IGSF9B: variants seen among roughly 807,000 people sequenced by gnomAD.
The protein encoded by IGSF9B is protein turtle homolog B.
Under a neutral mutation model 143.7 loss-of-function variants are expected in IGSF9B, and 48 were observed. The ratio of observed to expected loss-of-function variants is 0.33; its 90% CI spans 0.26 to 0.42. The LOEUF (loss-of-function observed/expected upper bound fraction) is 0.42. IGSF9B is among the 20% of genes least tolerant of loss of function. The probability of loss-of-function intolerance (pLI) is 1.00; values close to 1 mark genes in which losing one functional copy is unlikely to be tolerated. For synonymous variants in IGSF9B, 903 were observed against 833.1 expected (o/e 1.08, Z -1.44); for missense variants, 1,706 against 1,980.0 (o/e 0.86, Z 2.63).
At chr11:133,912,147 C>T in intron 18 of IGSF9B, 140 bp from the exon 19 acceptor site, 1 of 946,032 alleles carries the variant, frequency 1.1e-6, no homozygotes, top group Non-Finnish European at 1.6e-6. Context: ...CACGATGGCT[C>T]CATGACACCC....
At chr11:133,918,579 CT>C (rs974333647) in intron 18 of IGSF9B, among the ~76,000 whole-genome samples, 30 of 152,292 alleles carry the variant, frequency 2.0e-4, no homozygotes, top group Admixed American at 2.6e-4. Context: ...CCCGCACCCC[CT>C]TCCTCGGCCG....
At chr11:133,938,951 T>G (rs1164072011) in intron 3 of IGSF9B, among the ~76,000 whole-genome samples, 1 of 152,226 alleles carries the variant, frequency 6.6e-6, no homozygotes, top group Admixed American at 6.5e-5. Flanking sequence ...ATGCACCAGT[T>G]GCCAGTACCA....
rs1450953879 is a variant in IGSF9B at position 133,948,466 on chromosome 11, G to T, written c.65-2208C>A. On this transcript the variant is annotated intron_variant, in intron 1 of 19. Transcript: ENST00000533871. The surrounding 1 kb of genome is among the most constrained non-coding windows in gnomAD (Gnocchi z 4.7). ...TTTGCAACCCAGCCCCTCAGGGAAA[G>T]CAGGGAGAGTGCCCAGCTGCAGCCT... is the stretch of plus-strand genomic sequence containing the variant. Among the ~76,000 whole-genome samples, 3 of 152,126 alleles carry T rather than the reference G, an allele frequency of 2.0e-5. No homozygotes were observed. The highest frequency in any genetic ancestry group is 7.2e-5 in the African/African-American group (3 of 41,418).
At chr11:133,916,345 G>A (rs1017332746) in intron 18 of IGSF9B, among the ~76,000 whole-genome samples, 6 of 152,212 alleles carry the variant, frequency 3.9e-5, no homozygotes, top group Non-Finnish European at 7.3e-5. Flanking sequence ...GAACTGAAGG[G>A]AAAAGAAACA....
At chr11:133,910,648 C>T (rs903667444) in intron 19 of IGSF9B, among the ~76,000 whole-genome samples, 1 of 152,108 alleles carries the variant, frequency 6.6e-6, no homozygotes, top group African/African-American at 2.4e-5. Flanking sequence ...GCACGTTCAG[C>T]TGGCAACTGG....
In IGSF9B at chr11:133,919,622, G is replaced by GCAC. The variant is rs1939469850; in HGVS notation, c.3983+119_3983+120insGTG. 4.6e-6 allele frequency: 3 copies of GCAC among 657,258 alleles called. No individual in the cohort carries two copies. In the Admixed American group the frequency reaches 1.2e-4, roughly 25 times the overall value. The allele number at this position is 657,258 out of a possible 1,614,324, so 40.7% of individuals were successfully genotyped here. On this transcript the variant is annotated intron_variant, in intron 18 of 19. Coordinates refer to ENST00000533871, the MANE Select transcript of IGSF9B (RefSeq NM_001277285.4). ...CCAGAACTCCTCTCCGAGGGACGCC[G>GCAC]GTGCGGCATGTCCGCACGAGCCCTG...
Position 133,931,342 on chromosome 11 carries a change from A to T in IGSF9B, c.1368+111T>A. The T allele has an allele frequency of 1.1e-6, 1 of 874,282 alleles. No individual in the cohort carries two copies. Among genetic ancestry groups the T allele is most frequent in the Non-Finnish European group, 1.8e-6 (1 of 561,616 alleles). 54.2% of individuals were successfully genotyped at this position (874,282 alleles called of 1,614,324 possible). ...GAATAGAACTGCTCGCTGGGCCCTC[A>T]CACCTCCCCTCAGCCCCGGGGCTCG... On this transcript the variant is annotated intron_variant, in intron 10 of 19. Coordinates refer to ENST00000533871, the MANE Select transcript of IGSF9B (RefSeq NM_001277285.4). The surrounding 1 kb of genome is among the most constrained non-coding windows in gnomAD (Gnocchi z 7.7).
chr11:133,919,127 G>GGGGGGGGGGGGGGTGT, intron 18 of IGSF9B: 1 of 355,290 alleles, frequency 2.8e-6, no homozygotes, highest in South Asian at 1.9e-5. Context: ...ACGGGGGGGG[G>GGGGGGGGGGGGGGTGT]GTGGGGGACG....
chr11:133,923,021 G>A (rs981393895), intron 15 of IGSF9B, among the ~76,000 whole-genome samples: 1 of 152,214 alleles, frequency 6.6e-6, no homozygotes, highest in Non-Finnish European at 1.5e-5. Flanking sequence ...CTAGGGTTTT[G>A]CCTTCTGCAA....
intron 7 of IGSF9B, among the ~76,000 whole-genome samples, chr11:133,933,294 CAA>C (rs1939767362): frequency 6.6e-6 from 1 of 152,206 alleles, no homozygotes; most frequent in African/African-American, 2.4e-5. Context: ...CTCCTTATCC[CAA>C]AGTCTCCTGA....
chr11:133,955,385 AC>A (rs1259301028), intron 1 of IGSF9B, among the ~76,000 whole-genome samples: 1 of 151,374 alleles, frequency 6.6e-6, no homozygotes, highest in Non-Finnish European at 1.5e-5. Flanking sequence ...AGACACCACC[AC>A]CCCCCTCAGA....
Position 133,920,128 on chromosome 11 carries a change from G to A in IGSF9B, c.3597C>T (p.Ser1199=), listed in dbSNP as rs781111783. 3.3e-6 allele frequency: 5 copies of A among 1,511,788 alleles called. No individual in the cohort carries two copies. The highest frequency in any genetic ancestry group is 4.4e-6 in the Non-Finnish European group (5 of 1,129,724). The allele number at this position is 1,511,788 out of a possible 1,614,324, so 93.6% of individuals were successfully genotyped here. A position where few individuals can be genotyped will look rare whatever the true frequency, so the allele number is the denominator to read the frequency against. Residue 1199 remains serine (S), a synonymous_variant, in exon 18 of 20, where the codon TCC becomes TCT. Coordinates refer to ENST00000533871, the MANE Select transcript of IGSF9B (RefSeq NM_001277285.4). ...PSLHQVVLQP[S]RLSPLTQSPL... The stretch of plus-strand genomic sequence containing the variant: ...GGCTTTGGGTCAGAGGTGAGAGCCG[G>A]GAGGGCTGTAGCACCACTTGATGTA...
chr11:133,912,880 G>T (rs1939323043), intron 18 of IGSF9B, among the ~76,000 whole-genome samples: 1 of 152,152 alleles, frequency 6.6e-6, no homozygotes, highest in Non-Finnish European at 1.5e-5. Context: ...GTTAGGACAG[G>T]GTCCACAGTC....
rs1939041000 is a variant in IGSF9B at position 133,897,538 on chromosome 11, C to T, written c.*11531G>A. On this transcript the variant is annotated 3_prime_UTR_variant, in exon 20 of 20. Coordinates refer to ENST00000533871, the MANE Select transcript of IGSF9B (RefSeq NM_001277285.4). ...CAGGTCCCCAAGACCCAGCCCCAGGCTTGGCACGCGCTGGCATTCCCAGGC... is the reference window on the plus strand; with the variant it reads ...CAGGTCCCCAAGACCCAGCCCCAGGTTTGGCACGCGCTGGCATTCCCAGGC... 1 of 152,260 alleles carries T rather than the reference C, an allele frequency of 6.6e-6. No individual in the cohort carries two copies. Among genetic ancestry groups the T allele is most frequent in the Non-Finnish European group, 1.5e-5 (1 of 68,086 alleles). 9.4% of individuals were successfully genotyped at this position (152,260 alleles called of 1,614,324 possible). A position where few individuals can be genotyped will look rare whatever the true frequency, so the allele number is the denominator to read the frequency against.
At position 133,928,536 on chromosome 11, in the gene IGSF9B, G is replaced by A. The variant is rs910809169; in HGVS notation, c.1631+1135C>T. Among the ~76,000 whole-genome samples, 3 of 152,052 alleles carry A rather than the reference G, an allele frequency of 2.0e-5. No homozygotes were observed. The highest frequency in any genetic ancestry group is 2.1e-4 in the South Asian group (1 of 4,806). ...GTGCCTGCCTTTTCCCCCTCCCCTCGAGCTCCCCCTCCTCGAGTTGAGCCT... is the reference window on the plus strand; with the variant it reads ...GTGCCTGCCTTTTCCCCCTCCCCTCAAGCTCCCCCTCCTCGAGTTGAGCCT... On this transcript the variant is annotated intron_variant, in intron 12 of 19. Coordinates refer to ENST00000533871, the MANE Select transcript of IGSF9B (RefSeq NM_001277285.4). The surrounding 1 kb of genome is among the most constrained non-coding windows in gnomAD (Gnocchi z 4.7).
In IGSF9B at chr11:133,913,607, A is replaced by C. The variant is rs905236074; in HGVS notation, c.3984-1600T>G. Among the ~76,000 whole-genome samples the C allele has an allele frequency of 6.6e-6, 1 of 152,218 alleles. No homozygotes were observed. The highest frequency in any genetic ancestry group is 2.4e-5 in the African/African-American group (1 of 41,464). ...CATAGCCCTGACAGCAGAGCTAAGA[A>C]GGCTACACAGGGTCCCTCAGGTGCA... On this transcript the variant is annotated intron_variant, in intron 18 of 19. Coordinates refer to ENST00000533871, the MANE Select transcript of IGSF9B (RefSeq NM_001277285.4). The surrounding 1 kb of genome is among the most constrained non-coding windows in gnomAD (Gnocchi z 4.6).
In IGSF9B at chr11:133,908,461, G is replaced by C. The variant is rs891234891; in HGVS notation, c.*608C>G. ...TTGGGAGAAAGAATCCCCCAAGACA[G>C]ATGTCAGGCACCTGGCCAACGTGCA... On this transcript the variant is annotated 3_prime_UTR_variant, in exon 20 of 20. Coordinates refer to ENST00000533871, the MANE Select transcript of IGSF9B (RefSeq NM_001277285.4). 1.3e-5 allele frequency: 2 copies of C among 152,032 alleles called. No homozygotes were observed. The highest frequency in any genetic ancestry group is 2.9e-5 in the Non-Finnish European group (2 of 68,038). The allele number at this position is 152,032 out of a possible 1,614,324, so 9.4% of individuals were successfully genotyped here.
intron 3 of IGSF9B, among the ~76,000 whole-genome samples, chr11:133,943,621 C>T (rs2121334665): frequency 6.6e-6 from 1 of 152,286 alleles, no homozygotes; most frequent in South Asian, 2.1e-4. Flanking sequence ...AACTGACGCC[C>T]ATTAAAACTG....
Position 133,948,692 on chromosome 11 carries a change from G to A in IGSF9B, c.65-2434C>T, listed in dbSNP as rs1420334613. On this transcript the variant is annotated intron_variant, in intron 1 of 19. Coordinates refer to ENST00000533871, the MANE Select transcript of IGSF9B (RefSeq NM_001277285.4). The surrounding 1 kb of genome is among the most constrained non-coding windows in gnomAD (Gnocchi z 4.7). ...ACAGCACACACCTGTGAGGAGATAA[G>A]AAACTACAAGAGCCTAGGGGAAGAG... Among the ~76,000 whole-genome samples, 1 of 151,192 alleles carries A rather than the reference G, an allele frequency of 6.6e-6. No homozygotes were observed. The highest frequency in any genetic ancestry group is 1.5e-5 in the Non-Finnish European group (1 of 67,906).
Sources: allele counts gnomAD v4.1 joint callset (sites outside exome capture counted in the v4.1 genomes callset), GRCh38; gene constraint gnomAD v4.1.1; non-coding constraint Gnocchi (gnomAD v3.1); transcripts MANE v1.5; gene names NCBI Gene and HGNC (gene_info 2026-07-23, HGNC 2026-07-21).